The following FRMPD4 variants were observed in gnomAD, a reference collection of about 807,000 sequenced individuals.
FRMPD4 encodes FERM and PDZ domain containing 4.
In FRMPD4, 22 loss-of-function variants were observed where a neutral mutation model predicts 94.1. The ratio of observed to expected loss-of-function variants is 0.23; its 90% CI spans 0.17 to 0.33. The LOEUF (loss-of-function observed/expected upper bound fraction) is 0.33, where lower values mean the gene tolerates loss of function less well. Ranked by LOEUF, FRMPD4 falls within the 10% of genes least tolerant of loss-of-function variation. The pLI is 1.00. For synonymous variants in FRMPD4, 631 were observed against 548.6 expected, an observed-to-expected ratio of 1.15 and a Z score of -2.10; for missense variants, 1,111 against 1,339.9, an observed-to-expected ratio of 0.83 and a Z score of 2.67.
chrX:12,311,522 C>G (rs1166391293), intron 1 of FRMPD4, among the ~76,000 whole-genome samples: 1 of 111,256 alleles, frequency 9.0e-6, no homozygotes, highest in Non-Finnish European at 1.9e-5. Flanking sequence ...AGAATTTCTT[C>G]TGGCATCTTT....
intron 3 of FRMPD4, among the ~76,000 whole-genome samples, chrX:11,973,416 C>T (rs1477230789): frequency 9.0e-6 from 1 of 111,674 alleles, no homozygotes; most frequent in East Asian, 2.8e-4. Flanking sequence ...TGGGGCTTTG[C>T]TGCTCAAAGT....
chrX:12,007,975 AG>A (rs1569141565), intron 3 of FRMPD4, among the ~76,000 whole-genome samples: 2 of 111,647 alleles, frequency 1.8e-5, no homozygotes, highest in Non-Finnish European at 3.8e-5. Context: ...CACCATTAAG[AG>A]GGGGAAGGAG....
At chrX:12,459,752 A>G (rs1272170400) in intron 1 of FRMPD4, among the ~76,000 whole-genome samples, 2 of 112,038 alleles carry the variant, frequency 1.8e-5, no homozygotes, top group Admixed American at 1.9e-4. Flanking sequence ...TATCGCTGCT[A>G]TGAACTACCA....
intron 3 of FRMPD4, among the ~76,000 whole-genome samples, chrX:12,126,667 C>A (rs1431383192): frequency 9.0e-6 from 1 of 111,637 alleles, no homozygotes; most frequent in Admixed American, 9.5e-5. Flanking sequence ...TCATCCTTGT[C>A]ATTCCCCTAA....
At position 11,927,914 on chromosome X, in the gene FRMPD4, T is replaced by C. The variant is rs778663362; in HGVS notation, c.95+49896T>C. On this transcript the variant is annotated intron_variant, in intron 3 of 18. Transcript: ENST00000640291. The stretch of plus-strand genomic sequence containing the variant: ...CAAAAATTGACAAATGGGACCTAAT[T>C]AAACTAAAGAGCTTCTGCACAGCAA... Among the ~76,000 whole-genome samples, 31 of 111,786 alleles carry C rather than the reference T, an allele frequency of 2.8e-4. No individual in the cohort carries two copies. The Middle Eastern group carries it at 0.028, about 99-fold the overall frequency.
At chrX:12,500,220 T>C (rs1425474313) in intron 2 of FRMPD4, among the ~76,000 whole-genome samples, 1 of 111,579 alleles carries the variant, frequency 9.0e-6, no homozygotes, top group Admixed American at 9.5e-5. Flanking sequence ...AAAAAATTAT[T>C]TCACAACCAC....
intron 3 of FRMPD4, among the ~76,000 whole-genome samples, chrX:12,058,918 T>G (rs779900760): frequency 3.6e-4 from 40 of 111,304 alleles, no homozygotes; most frequent in African/African-American, 1.3e-3. Flanking sequence ...ATCAAAGAAT[T>G]ATCTAGGCCA....
chrX:12,437,289 A>G (rs1322131821), intron 1 of FRMPD4, among the ~76,000 whole-genome samples: 2 of 111,645 alleles, frequency 1.8e-5, no homozygotes, highest in Non-Finnish European at 3.8e-5. Flanking sequence ...CCAACTCCCA[A>G]GGTGGTATTA....
Position 12,522,867 on chromosome X carries a change from C to T in FRMPD4, c.158+24071C>T, listed in dbSNP as rs189418779. On this transcript the variant is annotated intron_variant, in intron 2 of 16. Coordinates refer to ENST00000675598, the MANE Select transcript of FRMPD4 (RefSeq NM_001368397.1). Reference sequence around the variant, plus strand: ...ATCTGCCCACCTCTGCCTCCCATAGCGCTGGGATTCCAGGCGTGAGCCACC... The same window carrying T: ...ATCTGCCCACCTCTGCCTCCCATAGTGCTGGGATTCCAGGCGTGAGCCACC... 6.0e-3 allele frequency among the ~76,000 whole-genome samples: 670 copies of T among 111,560 alleles called. 5 individuals are homozygous for T. Among genetic ancestry groups the T allele is most frequent in the African/African-American group, 0.02 (624 of 30,675 alleles).
At chrX:12,016,520 T>G in intron 3 of FRMPD4, among the ~76,000 whole-genome samples, 1 of 112,314 alleles carries the variant, frequency 8.9e-6, no homozygotes, top group South Asian at 3.7e-4. Flanking sequence ...CTAATCCCTT[T>G]TCATCTATGT....
At chrX:12,547,998 G>A (rs1409873937) in intron 2 of FRMPD4, among the ~76,000 whole-genome samples, 3 of 112,078 alleles carry the variant, frequency 2.7e-5, no homozygotes, top group Non-Finnish European at 3.8e-5. Context: ...GAAGGCTCCC[G>A]TATAAGTATG....
chrX:12,287,444 C>T (rs2054617543), intron 1 of FRMPD4, among the ~76,000 whole-genome samples: 1 of 111,829 alleles, frequency 8.9e-6, no homozygotes, highest in Non-Finnish European at 1.9e-5. Flanking sequence ...CAGCAGGAGG[C>T]ATGGTTGGAG....
intron 1 of FRMPD4, among the ~76,000 whole-genome samples, chrX:12,437,688 C>A (rs2057085734): frequency 8.9e-6 from 1 of 111,993 alleles, no homozygotes; most frequent in African/African-American, 3.2e-5. Flanking sequence ...CTGAATTAAT[C>A]TCTTTCCATC....
intron 2 of FRMPD4, among the ~76,000 whole-genome samples, chrX:12,529,308 C>G (rs747857951): frequency 7.2e-4 from 81 of 112,700 alleles, no homozygotes; most frequent in Non-Finnish European, 1.2e-3. Context: ...TTTACTTCAT[C>G]AAAACAAACA....
At chrX:12,539,320 C>G (rs2058377677) in intron 2 of FRMPD4, among the ~76,000 whole-genome samples, 1 of 111,914 alleles carries the variant, frequency 8.9e-6, no homozygotes, top group Non-Finnish European at 1.9e-5. Flanking sequence ...GATTGGTGTA[C>G]CTGAAAGTGA....
chrX:12,490,753 C>CA (rs1156454407), intron 1 of FRMPD4, among the ~76,000 whole-genome samples: 3 of 111,746 alleles, frequency 2.7e-5, no homozygotes, highest in Non-Finnish European at 5.6e-5. Context: ...ATCTAGACTC[C>CA]ATGGTTTGGC....
intron 4 of FRMPD4, among the ~76,000 whole-genome samples, chrX:12,637,146 A>G (rs1602243211): frequency 8.9e-6 from 1 of 112,406 alleles, no homozygotes; most frequent in African/African-American, 3.2e-5. Context: ...CAAATGCAGG[A>G]CAAAAGGTTT....
At chrX:12,410,167 G>A (rs1245883732) in intron 1 of FRMPD4, among the ~76,000 whole-genome samples, 1 of 111,132 alleles carries the variant, frequency 9.0e-6, no homozygotes, top group Admixed American at 9.6e-5. Context: ...ACTTCCTGAT[G>A]TGGCTGAGTA....
intron 2 of FRMPD4, among the ~76,000 whole-genome samples, chrX:12,523,396 A>G (rs977454279): frequency 8.9e-6 from 1 of 112,112 alleles, no homozygotes; most frequent in African/African-American, 3.2e-5. Flanking sequence ...TGAATTCCCC[A>G]TATCTTTTCC....
Sources: gnomAD v4.1 joint callset for allele counts (sites outside exome capture counted in the v4.1 genomes callset) on GRCh38, gnomAD v4.1.1 for gene constraint, MANE v1.5 for transcripts, NCBI Gene and HGNC (gene_info 2026-07-23, HGNC 2026-07-21) for gene names.